Variants in LRP1B observed in about 807,000 individuals in gnomAD.
LRP1B encodes the protein low-density lipoprotein receptor-related protein 1B.
LRP1B carries 217 observed loss-of-function variants against 556.6 expected under a neutral mutation model. The observed-to-expected ratio is 0.39, with a 90% confidence interval of 0.35 to 0.44. The LOEUF is 0.44. Among genes scored for constraint, LRP1B ranks in the 20% least tolerant of loss-of-function variants. The probability of loss-of-function intolerance (pLI) is 1.00; values close to 1 mark genes in which losing one functional copy is unlikely to be tolerated. For synonymous variants in LRP1B, 2,047 were observed against 1,865.8 expected (o/e 1.10, Z -2.50); for missense variants, 5,053 against 5,620.8 (o/e 0.90, Z 3.23).
At chr2:141,857,220 C>T (rs1698081715) in intron 1 of LRP1B, among the ~76,000 whole-genome samples, 1 of 152,040 alleles carries the variant, frequency 6.6e-6, no homozygotes, top group Non-Finnish European at 1.5e-5. Flanking sequence ...CTTCCACTTC[C>T]AGTTATTTTT....
chr2:141,316,439 T>G (rs537207378), intron 3 of LRP1B, among the ~76,000 whole-genome samples: 3 of 152,186 alleles, frequency 2.0e-5, no homozygotes, highest in Non-Finnish European at 4.4e-5. Context: ...TGTATCACTT[T>G]AAAAGAGAAC....
At chr2:141,252,854 A>G (rs1684313702) in intron 4 of LRP1B, among the ~76,000 whole-genome samples, 2 of 152,148 alleles carry the variant, frequency 1.3e-5, no homozygotes, top group South Asian at 4.1e-4. Context: ...TTGGCTCTCA[A>G]GGAGTATAGA....
chr2:140,263,072 C>T (rs1431818319), intron 86 of LRP1B, among the ~76,000 whole-genome samples: 1 of 152,194 alleles, frequency 6.6e-6, no homozygotes, highest in African/African-American at 2.4e-5. Flanking sequence ...CACAGGCGCA[C>T]ACCACCATGC....
chr2:141,966,624 T>A (rs1444779169), intron 1 of LRP1B, among the ~76,000 whole-genome samples: 1 of 151,704 alleles, frequency 6.6e-6, no homozygotes, highest in East Asian at 2.0e-4. Context: ...CCTACCTGTT[T>A]TGTCTCTTCA....
chr2:141,031,013 C>G (rs1698353524), intron 11 of LRP1B, among the ~76,000 whole-genome samples: 1 of 151,632 alleles, frequency 6.6e-6, no homozygotes, highest in Admixed American at 6.6e-5. Context: ...AGCTCTAGGT[C>G]CCTAACATGA....
chr2:141,309,832 C>T (rs933250636), intron 3 of LRP1B, among the ~76,000 whole-genome samples: 1 of 151,846 alleles, frequency 6.6e-6, no homozygotes, highest in Admixed American at 6.6e-5. Flanking sequence ...TCCCACCCCA[C>T]CCCACTTTTT....
At position 140,335,640 on chromosome 2, in the gene LRP1B, C is replaced by CAA; in HGVS notation, c.12090_12091insTT (p.Ala4031LeufsTer5). ...CCTCTTTTAGGATTTACTGCAATAG[C>CAA]ATAGGGTTCTCCAGCCATATTTGTT... On this transcript the variant is annotated frameshift_variant, in exon 78 of 91. Coordinates refer to ENST00000389484, the MANE Select transcript of LRP1B (RefSeq NM_018557.3). LOFTEE classifies it high-confidence loss of function. 6.2e-7 allele frequency: 1 copy of CAA among 1,610,316 alleles called. No individual in the cohort carries two copies. Among genetic ancestry groups the CAA allele is most frequent in the Non-Finnish European group, 8.5e-7 (1 of 1,176,988 alleles).
At chr2:140,722,011 T>C (rs1482706941) in intron 35 of LRP1B, among the ~76,000 whole-genome samples, 1 of 152,154 alleles carries the variant, frequency 6.6e-6, no homozygotes, top group African/African-American at 2.4e-5. Context: ...CAGACTCCTC[T>C]GTGTCTTCTG....
intron 78 of LRP1B, among the ~76,000 whole-genome samples, chr2:140,334,820 T>A (rs919131453): frequency 6.6e-6 from 1 of 152,010 alleles, no homozygotes; most frequent in Non-Finnish European, 1.5e-5. Context: ...TTATTTAATA[T>A]CCAAAATTCA....
intron 33 of LRP1B, among the ~76,000 whole-genome samples, chr2:140,775,115 A>T (rs1689446779): frequency 6.6e-6 from 1 of 152,042 alleles, no homozygotes; most frequent in Non-Finnish European, 1.5e-5. Context: ...GCTTGGGGCA[A>T]GTAAAGATTC....
intron 18 of LRP1B, among the ~76,000 whole-genome samples, chr2:140,968,570 A>G (rs761605104): frequency 6.7e-6 from 1 of 150,124 alleles, no homozygotes; most frequent in Non-Finnish European, 1.5e-5. Context: ...GCCTTCTGCT[A>G]GCTTTTGAAT....
At chr2:141,557,372 G>A (rs1306151641) in intron 2 of LRP1B, among the ~76,000 whole-genome samples, 6 of 151,836 alleles carry the variant, frequency 4.0e-5, no homozygotes, top group Non-Finnish European at 5.9e-5. Context: ...AGTGTGGCAT[G>A]GATTACCATA....
chr2:141,013,486 A>G, intron 14 of LRP1B, 70 bp downstream of exon 14: 2 of 1,254,116 alleles, frequency 1.6e-6, no homozygotes, highest in Non-Finnish European at 2.2e-6. Flanking sequence ...GTCAAGATAA[A>G]TCTTTTATAA....
At chr2:140,616,005 C>A (rs957935418) in intron 41 of LRP1B, among the ~76,000 whole-genome samples, 1 of 151,726 alleles carries the variant, frequency 6.6e-6, no homozygotes, top group African/African-American at 2.4e-5. Context: ...CCCTAATACT[C>A]AAAAATAATT....
At chr2:141,605,720 C>G (rs1687894606) in intron 2 of LRP1B, among the ~76,000 whole-genome samples, 2 of 152,164 alleles carry the variant, frequency 1.3e-5, no homozygotes, top group South Asian at 4.1e-4. Flanking sequence ...TTCCATATGC[C>G]AAGAAAGACT....
intron 1 of LRP1B, among the ~76,000 whole-genome samples, chr2:142,040,265 A>T (rs1704019155): frequency 6.6e-6 from 1 of 151,386 alleles, no homozygotes; most frequent in Non-Finnish European, 1.5e-5. Flanking sequence ...AATACTTTCC[A>T]TTTTTGAAAA....
At chr2:140,261,767 TC>T (rs1681954334) in intron 86 of LRP1B, among the ~76,000 whole-genome samples, 1 of 151,896 alleles carries the variant, frequency 6.6e-6, no homozygotes, top group South Asian at 2.1e-4. Context: ...TATATAATAA[TC>T]TGCAAAAGTA....
intron 32 of LRP1B, among the ~76,000 whole-genome samples, chr2:140,800,167 A>G (rs1365847812): frequency 2.0e-5 from 3 of 152,102 alleles, no homozygotes; most frequent in African/African-American, 7.2e-5. Flanking sequence ...CAAACACCGC[A>G]TGTTCTCACT....
chr2:141,141,335 C>T (rs1236588813), intron 7 of LRP1B, among the ~76,000 whole-genome samples: 1 of 151,996 alleles, frequency 6.6e-6, no homozygotes, highest in Non-Finnish European at 1.5e-5. Context: ...TTTTATGAAG[C>T]ATTTATTTTG....
Sources: allele counts gnomAD v4.1 joint callset (sites outside exome capture counted in the v4.1 genomes callset), GRCh38; gene constraint gnomAD v4.1.1; transcripts MANE v1.5; gene names NCBI Gene and HGNC (gene_info 2026-07-23, HGNC 2026-07-21).